Variants in SEMA5A observed in about 807,000 individuals in gnomAD.
SEMA5A encodes semaphorin-5A.
In SEMA5A, 55 loss-of-function variants were observed where a neutral mutation model predicts 135.5. The ratio of observed to expected loss-of-function variants is 0.41; its 90% CI spans 0.33 to 0.51. SEMA5A has a LOEUF of 0.51. Among genes scored for constraint, SEMA5A ranks in the 20% least tolerant of loss-of-function variants. The pLI, the probability that SEMA5A is intolerant of heterozygous loss-of-function variation, is 0.37. For missense variants in SEMA5A, 1,290 were observed against 1,419.9 expected (o/e 0.91, Z 1.47); for synonymous variants, 580 against 546.5 (o/e 1.06, Z -0.85).
At chr5:9,052,971 T>C (rs1468350535) in intron 19 of SEMA5A, among the ~76,000 whole-genome samples, 1 of 152,028 alleles carries the variant, frequency 6.6e-6, no homozygotes, top group Non-Finnish European at 1.5e-5. Flanking sequence ...AGTTAAAGGG[T>C]AAAATGTTTC....
chr5:9,286,816 C>A (rs1490994837), intron 5 of SEMA5A, among the ~76,000 whole-genome samples: 1 of 152,150 alleles, frequency 6.6e-6, no homozygotes, highest in Non-Finnish European at 1.5e-5. Context: ...CAAAGTAAAG[C>A]CCATCAGCAG....
At chr5:9,294,878 T>A (rs762352045) in intron 5 of SEMA5A, among the ~76,000 whole-genome samples, 63 of 152,160 alleles carry the variant, frequency 4.1e-4, no homozygotes, top group Non-Finnish European at 7.8e-4. Flanking sequence ...CCCCTCCTTC[T>A]CTTCCACCAC....
In SEMA5A at chr5:9,039,156, C is replaced by G. The variant is rs1735821089; in HGVS notation, c.*3741G>C. 1 of 152,254 alleles carries G rather than the reference C, an allele frequency of 6.6e-6. No homozygotes were observed. Among genetic ancestry groups the G allele is most frequent in the Non-Finnish European group, 1.5e-5 (1 of 68,112 alleles). 9.4% of individuals were successfully genotyped at this position (152,254 alleles called of 1,614,324 possible). The stretch of plus-strand genomic sequence containing the variant: ...CAGATAAATAAGGAAGTAAGTACAC[C>G]TTTGGCTAAAACTCTGGCACTCTGG... On this transcript the variant is annotated 3_prime_UTR_variant, in exon 23 of 23. Transcript: ENST00000382496.
At chr5:9,500,422 C>A (rs918833473) in intron 1 of SEMA5A, among the ~76,000 whole-genome samples, 7 of 152,098 alleles carry the variant, frequency 4.6e-5, no homozygotes, top group African/African-American at 1.7e-4. Context: ...AACCTTCCAA[C>A]GGTTTTCATC....
At chr5:9,165,726 T>C (rs1014507670) in intron 11 of SEMA5A, among the ~76,000 whole-genome samples, 3 of 152,208 alleles carry the variant, frequency 2.0e-5, no homozygotes, top group Admixed American at 6.5e-5. Context: ...TGTGTTACCA[T>C]ACCAAGCATT....
intron 8 of SEMA5A, among the ~76,000 whole-genome samples, chr5:9,209,551 G>C (rs1041672181): frequency 1.3e-5 from 2 of 152,146 alleles, no homozygotes; most frequent in African/African-American, 4.8e-5. Context: ...AAGACTGAAA[G>C]AAAACCATGT....
intron 1 of SEMA5A, among the ~76,000 whole-genome samples, chr5:9,521,089 C>A (rs1029801824): frequency 2.0e-5 from 3 of 152,204 alleles, no homozygotes; most frequent in Non-Finnish European, 2.9e-5. Flanking sequence ...GACTTTACAA[C>A]TTTTCTGGGC....
At chr5:9,474,052 G>C (rs73036747) in intron 1 of SEMA5A, among the ~76,000 whole-genome samples, 4 of 152,128 alleles carry the variant, frequency 2.6e-5, no homozygotes, top group Non-Finnish European at 4.4e-5. Flanking sequence ...CACAAAAAGC[G>C]ATGTCAAATG....
chr5:9,317,591 A>C (rs1264073880), intron 5 of SEMA5A, among the ~76,000 whole-genome samples: 2 of 152,200 alleles, frequency 1.3e-5, no homozygotes, highest in Non-Finnish European at 2.9e-5. Flanking sequence ...AGAGAGAATA[A>C]AATAATATAA....
intron 1 of SEMA5A, among the ~76,000 whole-genome samples, chr5:9,468,682 C>T (rs959730456): frequency 1.3e-5 from 2 of 152,096 alleles, no homozygotes; most frequent in Non-Finnish European, 2.9e-5. Context: ...TAAATGGCTA[C>T]ATAGCAACCC....
At position 9,088,659 on chromosome 5, in the gene SEMA5A, T is replaced by TATATATATATATATATATATACACAC; in HGVS notation, c.2073+19480_2073+19481insGTGTGTATATATATATATATATATAT. Reference sequence around the variant, plus strand: ...TATAATATATATATATATATATATATACACACACACACTCATGGAATTCCA... The same window carrying TATATATATATATATATATATACACAC: ...TATAATATATATATATATATATATATATATATATATATATATATATACACACACACACACACACTCATGGAATTCCA... On this transcript the variant is annotated intron_variant, in intron 16 of 22. Transcript: ENST00000382496. Among the ~76,000 whole-genome samples the TATATATATATATATATATATACACAC allele has an allele frequency of 9.8e-4, 110 of 112,804 alleles. 2 individuals are homozygous for TATATATATATATATATATATACACAC. The highest frequency in any genetic ancestry group is 2.4e-3 in the South Asian group (9 of 3,674). The allele number at this position is 112,804 out of a possible 152,430, so 74.0% of individuals were successfully genotyped here.
At position 9,545,392 on chromosome 5, in the gene SEMA5A, CG is replaced by C. The variant is rs1738334138; in HGVS notation, c.-175+191del. 6.6e-6 allele frequency among the ~76,000 whole-genome samples: 1 copy of C among 152,078 alleles called. No individual in the cohort carries two copies. The highest frequency in any genetic ancestry group is 2.4e-5 in the African/African-American group (1 of 41,440). The stretch of plus-strand genomic sequence containing the variant: ...GCACTAGCTCAACTGTGGGCGCCCC[CG>C]GACTGACGGTCGTCCTAATCCTGTA... On this transcript the variant is annotated intron_variant, in intron 1 of 22. Transcript: ENST00000382496. This position sits in a 1 kb window ranked among gnomAD's most constrained non-coding sequence, Gnocchi z 4.5.
intron 1 of SEMA5A, among the ~76,000 whole-genome samples, chr5:9,496,440 G>A (rs1303581099): frequency 6.6e-6 from 1 of 152,198 alleles, no homozygotes; most frequent in African/African-American, 2.4e-5. Context: ...AAGCTTAAGT[G>A]TAATATACTA....
At chr5:9,509,480 G>A (rs1736089696) in intron 1 of SEMA5A, among the ~76,000 whole-genome samples, 2 of 151,828 alleles carry the variant, frequency 1.3e-5, no homozygotes, top group South Asian at 4.2e-4. Flanking sequence ...TCATCATATT[G>A]GTCAGGCTGG....
At chr5:9,414,087 C>T (rs142732636) in intron 2 of SEMA5A, among the ~76,000 whole-genome samples, 2,009 of 152,068 alleles carry the variant, frequency 0.013, 19 homozygotes, top group Middle Eastern at 0.041. Context: ...CAAAAGGATA[C>T]CCAACCCTTT....
intron 13 of SEMA5A, among the ~76,000 whole-genome samples, chr5:9,129,740 G>C (rs574122381): frequency 1.4e-4 from 21 of 152,244 alleles, no homozygotes; most frequent in African/African-American, 5.1e-4. Context: ...ACCTTAGTGA[G>C]ACATATACCA....
chr5:9,082,424 G>A (rs560921613), intron 16 of SEMA5A, among the ~76,000 whole-genome samples: 1 of 152,174 alleles, frequency 6.6e-6, no homozygotes, highest in South Asian at 2.1e-4. Context: ...CATTAGGGTT[G>A]ATGTCTTGAA....
At chr5:9,384,650 A>G (rs1232506786) in intron 2 of SEMA5A, among the ~76,000 whole-genome samples, 8 of 124,924 alleles carry the variant, frequency 6.4e-5, no homozygotes, top group African/African-American at 1.9e-4. Flanking sequence ...ATAGATAGAT[A>G]GATAGATAGA....
At position 9,145,853 on chromosome 5, in the gene SEMA5A, CAGACT is replaced by C. The variant is rs566754548; in HGVS notation, c.1481+8630_1481+8634del. Among the ~76,000 whole-genome samples the C allele has an allele frequency of 2.5e-3, 375 of 151,136 alleles. 1 individual carries two copies. Among genetic ancestry groups the C allele is most frequent in the African/African-American group, 8.6e-3 (352 of 41,104 alleles). On this transcript the variant is annotated intron_variant, in intron 12 of 22. Transcript: ENST00000382496. ...AGAGATGGGGTTTCATCATGTTGAC[CAGACT>C]AGTCTTGAACTCTTGACCTCAAGCA...
Sources: gnomAD v4.1 joint callset for allele counts (sites outside exome capture counted in the v4.1 genomes callset) on GRCh38, gnomAD v4.1.1 for gene constraint, Gnocchi (gnomAD v3.1) non-coding constraint, MANE v1.5 for transcripts, NCBI Gene and HGNC (gene_info 2026-07-23, HGNC 2026-07-21) for gene names.